GABRG3: variants seen among roughly 807,000 people sequenced by gnomAD.
GABRG3 encodes the protein gamma-aminobutyric acid type A receptor subunit gamma3, also known as gamma-aminobutyric acid receptor subunit gamma-3.
Under a neutral mutation model 48.8 loss-of-function variants are expected in GABRG3, and 25 were observed. The observed-to-expected ratio is 0.51, with a 90% confidence interval of 0.37 to 0.72. The LOEUF is 0.72. Ranked by LOEUF, GABRG3 falls within the 30% of genes least tolerant of loss-of-function variation. The pLI is 0.00. For synonymous variants in GABRG3, 227 were observed against 217.6 expected (o/e 1.04, Z -0.38); for missense variants, 394 against 577.9 (o/e 0.68, Z 3.26).
At chr15:27,471,739 A>G (rs1889793343) in intron 5 of GABRG3, among the ~76,000 whole-genome samples, 1 of 152,246 alleles carries the variant, frequency 6.6e-6, no homozygotes, top group Non-Finnish European at 1.5e-5. Flanking sequence ...TCCACTGATC[A>G]TAAACACCTT....
chr15:27,531,300 C>CT (rs1891418329), intron 9 of GABRG3, among the ~76,000 whole-genome samples: 1 of 152,234 alleles, frequency 6.6e-6, no homozygotes, highest in Non-Finnish European at 1.5e-5. Flanking sequence ...AGTCCTGAAT[C>CT]TGAGTGCCTG....
At chr15:27,219,584 C>T (rs1889384235) in intron 3 of GABRG3, among the ~76,000 whole-genome samples, 1 of 152,202 alleles carries the variant, frequency 6.6e-6, no homozygotes, top group South Asian at 2.1e-4. Context: ...CCTCTGTCCA[C>T]ACCCTCCTTA....
In GABRG3 at chr15:27,201,353, C is replaced by CGTGTGTGT. The variant is rs376315853; in HGVS notation, c.271-125444_271-125437dup. Among the ~76,000 whole-genome samples the CGTGTGTGT allele has an allele frequency of 3.3e-3, 474 of 144,244 alleles. 2 individuals carry two copies. The highest frequency in any genetic ancestry group is 0.011 in the African/African-American group (426 of 38,942). The allele number at this position is 144,244 out of a possible 152,430, so 94.6% of individuals were successfully genotyped here. ...AGTGGGGCATGGGGAGTGAGGGGTG[C>CGTGTGTGT]GTGTGTGTGTGTGTGTGTGAGAGAG... On this transcript the variant is annotated intron_variant, in intron 3 of 9. Transcript: ENST00000615808.
chr15:27,376,214 C>T (rs1181410917), intron 5 of GABRG3, among the ~76,000 whole-genome samples: 1 of 152,224 alleles, frequency 6.6e-6, no homozygotes, highest in Non-Finnish European at 1.5e-5. Flanking sequence ...AGGTAGACTC[C>T]CATGGCTTGG....
At chr15:27,170,324 T>C (rs1448697151) in intron 3 of GABRG3, among the ~76,000 whole-genome samples, 1 of 152,098 alleles carries the variant, frequency 6.6e-6, no homozygotes, top group African/African-American at 2.4e-5. Context: ...ACATAGACCA[T>C]GTAATGTGCA....
chr15:27,059,287 C>G (rs141449910), intron 3 of GABRG3, among the ~76,000 whole-genome samples: 1,816 of 152,314 alleles, frequency 0.012, 16 homozygotes, highest in South Asian at 0.027. Flanking sequence ...GGGCCACAGC[C>G]AGCTACAGGT....
intron 3 of GABRG3, among the ~76,000 whole-genome samples, chr15:27,127,060 AG>A (rs1405964827): frequency 6.6e-6 from 1 of 152,094 alleles, no homozygotes; most frequent in Non-Finnish European, 1.5e-5. Flanking sequence ...TAAAAGAAAA[AG>A]ATGATCCTAA....
At chr15:27,516,912 C>A (rs1431078721) in intron 6 of GABRG3, among the ~76,000 whole-genome samples, 1 of 152,204 alleles carries the variant, frequency 6.6e-6, no homozygotes, top group African/African-American at 2.4e-5. Context: ...TTGGAAATAA[C>A]AAGTTTCAGG....
intron 5 of GABRG3, among the ~76,000 whole-genome samples, chr15:27,385,050 T>C (rs1895881512): frequency 6.6e-6 from 1 of 152,206 alleles, no homozygotes. Context: ...ATGTTCCTCC[T>C]GCCCTTTCAT....
At chr15:27,322,365 G>T (rs1326391932) in intron 3 of GABRG3, among the ~76,000 whole-genome samples, 1 of 152,128 alleles carries the variant, frequency 6.6e-6, no homozygotes, top group Non-Finnish European at 1.5e-5. Context: ...TGGGACAGGG[G>T]TGGGGATTCC....
In GABRG3 at chr15:27,386,986, G is replaced by T. The variant is rs72703850; in HGVS notation, c.574+58098G>T. The stretch of plus-strand genomic sequence containing the variant: ...TTTCCATGTTACTGTGCATATAAAA[G>T]TTGCTCTACTTTTTAAAACTTTTCA... On this transcript the variant is annotated intron_variant, in intron 5 of 9. Transcript: ENST00000615808. Among the ~76,000 whole-genome samples the T allele has an allele frequency of 2.5e-3, 373 of 152,232 alleles. 1 individual carries two copies. The highest frequency in any genetic ancestry group is 4.4e-3 in the Non-Finnish European group (300 of 68,022).
rs1896549211 is a variant in GABRG3, at chr15:27,056,436, T to C, written c.270+29615T>C. Among the ~76,000 whole-genome samples the C allele has an allele frequency of 2.0e-5, 3 of 150,486 alleles. No individual in the cohort carries two copies. The South Asian group carries it at 6.3e-4, about 32-fold the overall frequency. ...TTGAACCCGTTGTTTGAGTCAGGCA[T>C]GGTTTTAGGTCCTGAAATGAAAATT... On this transcript the variant is annotated intron_variant, in intron 3 of 9. Coordinates refer to ENST00000615808, the MANE Select transcript of GABRG3 (RefSeq NM_033223.5).
At chr15:27,346,709 G>A (rs1566797551) in intron 5 of GABRG3, among the ~76,000 whole-genome samples, 2 of 151,914 alleles carry the variant, frequency 1.3e-5, no homozygotes, top group African/African-American at 2.4e-5. Context: ...CCTTGGCTGT[G>A]TCAATTCTAC....
chr15:27,517,193 T>C (rs973589798), intron 6 of GABRG3, among the ~76,000 whole-genome samples: 1 of 151,996 alleles, frequency 6.6e-6, no homozygotes, highest in Non-Finnish European at 1.5e-5. Context: ...TGTCTGAGGC[T>C]GCCTCCTCCG....
intron 3 of GABRG3, among the ~76,000 whole-genome samples, chr15:27,220,038 G>A (rs368616781): frequency 5.9e-5 from 9 of 152,104 alleles, no homozygotes; most frequent in South Asian, 2.1e-4. Context: ...ACTGGGATTC[G>A]CAGCAAGAGA....
chr15:27,161,938 G>C (rs1043381629), intron 3 of GABRG3, among the ~76,000 whole-genome samples: 2 of 151,954 alleles, frequency 1.3e-5, no homozygotes, highest in Non-Finnish European at 2.9e-5. Context: ...CTCTTCAAAG[G>C]AAACAAAGAT....
chr15:27,176,569 G>A (rs1887752906), intron 3 of GABRG3, among the ~76,000 whole-genome samples: 1 of 152,168 alleles, frequency 6.6e-6, no homozygotes, highest in Non-Finnish European at 1.5e-5. Flanking sequence ...CCTGTGCTAA[G>A]AATAACAGTT....
rs2150868017 is a variant in GABRG3, at chr15:27,535,627, A to C, written c.*2746A>C. The C allele has an allele frequency of 6.6e-6, 1 of 152,318 alleles. No homozygotes were observed. Among genetic ancestry groups the C allele is most frequent in the East Asian group, 1.9e-4 (1 of 5,166 alleles). The allele number at this position is 152,318 out of a possible 1,614,324, so 9.4% of individuals were successfully genotyped here. ...AGGCTCCCCACTAGGGGGTCTCAAT[A>C]AAAAGAGCTAAAGCACCCCCTAAGA... On this transcript the variant is annotated 3_prime_UTR_variant, in exon 10 of 10. Transcript: ENST00000615808.
At chr15:27,037,870 G>A (rs1896206114) in intron 3 of GABRG3, among the ~76,000 whole-genome samples, 1 of 152,164 alleles carries the variant, frequency 6.6e-6, no homozygotes, top group African/African-American at 2.4e-5. Flanking sequence ...CAAGATCATG[G>A]TGCTCCTGCT....
Sources: allele counts gnomAD v4.1 joint callset (sites outside exome capture counted in the v4.1 genomes callset), GRCh38; gene constraint gnomAD v4.1.1; transcripts MANE v1.5; gene names NCBI Gene and HGNC (gene_info 2026-07-23, HGNC 2026-07-21).